The following KATNBL1 variants were observed in gnomAD, a reference collection of about 807,000 sequenced individuals.
KATNBL1 encodes the protein KATNB1-like protein 1.
A neutral mutation model predicts 44.7 loss-of-function variants in KATNBL1; 28 were observed. That is an observed-to-expected ratio of 0.63 (90% confidence interval 0.46 to 0.86). KATNBL1 has a LOEUF of 0.86. KATNBL1 is among the 40% of genes least tolerant of loss of function. KATNBL1 has a pLI of 0.00. For missense variants in KATNBL1, 272 were observed against 350.7 expected, an observed-to-expected ratio of 0.78 and a Z score of 1.79; for synonymous variants, 78 against 114.9, an observed-to-expected ratio of 0.68 and a Z score of 2.06.
chr15:34,157,079 T>C (rs535612633), intron 2 of KATNBL1, among the ~76,000 whole-genome samples: 1 of 152,306 alleles, frequency 6.6e-6, no homozygotes, highest in South Asian at 2.1e-4. Context: ...GATACTTTTC[T>C]GAAGTGGAGA....
intron 1 of KATNBL1, chr15:34,208,402 T>C (rs1683275571): frequency 6.6e-6 from 1 of 152,260 alleles, no homozygotes; most frequent in African/African-American, 2.4e-5. Context: ...CTGCTATAGA[T>C]AAGTATAAAC....
chr15:34,163,839 A>C (rs1888883214), intron 1 of KATNBL1, 149 bp from the exon 2 acceptor site: 2 of 469,958 alleles, frequency 4.3e-6, no homozygotes. Context: ...AACCTTAAAC[A>C]TAGAGGAAGC....
chr15:34,200,370 A>G (rs1056251741), intron 1 of KATNBL1, among the ~76,000 whole-genome samples: 3 of 151,212 alleles, frequency 2.0e-5, no homozygotes, highest in African/African-American at 7.3e-5. Flanking sequence ...CTCGTGCCTC[A>G]GCCTCCTGAG....
At chr15:34,157,655 T>G (rs1888677134) in intron 2 of KATNBL1, among the ~76,000 whole-genome samples, 1 of 152,330 alleles carries the variant, frequency 6.6e-6, no homozygotes, top group South Asian at 2.1e-4. Context: ...AACATCTCTC[T>G]GAGGAGCAGT....
At chr15:34,157,037 A>G (rs1374496964) in intron 2 of KATNBL1, among the ~76,000 whole-genome samples, 1 of 152,188 alleles carries the variant, frequency 6.6e-6, no homozygotes. Flanking sequence ...AGTTAACAGA[A>G]TTCCAGTCTG....
chr15:34,151,806 G>A lies in KATNBL1; in HGVS notation c.438+984C>T, dbSNP rs147640282. Reference sequence around the variant, plus strand: ...GAATATTTCTATCACTCTCAAAAACGCTTTTGAGTCTGTTAACCAGTTTTG... The same window carrying A: ...GAATATTTCTATCACTCTCAAAAACACTTTTGAGTCTGTTAACCAGTTTTG... On this transcript the variant is annotated intron_variant, in intron 4 of 9. Transcript: ENST00000256544. Among the ~76,000 whole-genome samples, 1,378 of 152,200 alleles carry A rather than the reference G, an allele frequency of 9.1e-3. 21 individuals carry two copies. Among genetic ancestry groups the A allele is most frequent in the African/African-American group, 0.032 (1,310 of 41,526 alleles).
chr15:34,145,583 A>ATT, intron 8 of KATNBL1, 92 bp from the exon 9 acceptor site: 2 of 1,126,150 alleles, frequency 1.8e-6, no homozygotes, highest in Non-Finnish European at 2.3e-6. Context: ...CTGTTCTAAA[A>ATT]TTTTTCAGGT....
chr15:34,204,989 GTTTTTTT>G (rs565440431), intron 1 of KATNBL1, among the ~76,000 whole-genome samples: 13 of 136,430 alleles, frequency 9.5e-5, no homozygotes, highest in Admixed American at 3.7e-4. Flanking sequence ...AAGAGGGACA[GTTTTTTT>G]TTTTTTTTTT....
rs1259147211 is a variant in KATNBL1 at position 34,147,268 on chromosome 15, A to T, written c.630T>A (p.Tyr210Ter). 6.2e-7 allele frequency: 1 copy of T among 1,612,912 alleles called. No individual in the cohort carries two copies. Among genetic ancestry groups the T allele is most frequent in the Non-Finnish European group, 8.5e-7 (1 of 1,179,262 alleles). Residue 210 changes from tyrosine (Y) to a stop codon, truncating the protein, a stop_gained, in exon 7 of 10, where the codon TAT (tyrosine) becomes TAA (stop). Coordinates refer to ENST00000256544, the MANE Select transcript of KATNBL1 (RefSeq NM_024713.3). LOFTEE classifies it high-confidence loss of function. ...LTNCLQEEKQ[Y>*]ISLGCCVDLL... ...AGTCAACACAGCAGCCAAGTGAGATATATTGTTTTTCTTCCTGTAAACTAA... is the reference window on the plus strand; with the variant it reads ...AGTCAACACAGCAGCCAAGTGAGATTTATTGTTTTTCTTCCTGTAAACTAA...
intron 3 of KATNBL1, 104 bp downstream of exon 3, chr15:34,154,540 A>C: frequency 2.7e-6 from 2 of 753,080 alleles, no homozygotes; most frequent in Non-Finnish European, 2.3e-6. Flanking sequence ...TTTGACAATA[A>C]GTTAATTATT....
At chr15:34,153,476 A>G (rs1342572552) in intron 3 of KATNBL1, among the ~76,000 whole-genome samples, 1 of 152,232 alleles carries the variant, frequency 6.6e-6, no homozygotes, top group African/African-American at 2.4e-5. Flanking sequence ...TATTTGAGTA[A>G]GAACACGATA....
At chr15:34,204,846 T>C (rs1057450092) in intron 1 of KATNBL1, among the ~76,000 whole-genome samples, 1 of 152,224 alleles carries the variant, frequency 6.6e-6, no homozygotes, top group Non-Finnish European at 1.5e-5. Context: ...CAGAAGTCCC[T>C]GAATGCTAGG....
intron 1 of KATNBL1, among the ~76,000 whole-genome samples, chr15:34,166,389 C>T (rs542432425): frequency 2.9e-3 from 440 of 152,346 alleles, no homozygotes; most frequent in Admixed American, 4.4e-3. Flanking sequence ...GGGGGAGGGG[C>T]GTCCGCCACT....
chr15:34,142,436 T>C, intron 9 of KATNBL1, 65 bp from the exon 10 acceptor site: 1 of 1,494,484 alleles, frequency 6.7e-7, no homozygotes, highest in Non-Finnish European at 9.0e-7. Context: ...AACAATCCAT[T>C]TTTTTTTGTT....
chr15:34,193,740 T>C (rs1889952608), intron 1 of KATNBL1, among the ~76,000 whole-genome samples: 1 of 148,328 alleles, frequency 6.7e-6, no homozygotes, highest in African/African-American at 2.5e-5. Flanking sequence ...TAGTCCCAGC[T>C]ACTCAGGACG....
At chr15:34,146,904 T>C (rs1333766679) in intron 7 of KATNBL1, 54 bp from the exon 8 acceptor site, 28 of 1,112,802 alleles carry the variant, frequency 2.5e-5, no homozygotes, top group Non-Finnish European at 3.7e-5. Flanking sequence ...GAACCCTTCT[T>C]ATAAAAGATG....
chr15:34,178,900 T>C (rs1192480335), intron 1 of KATNBL1, among the ~76,000 whole-genome samples: 1 of 152,090 alleles, frequency 6.6e-6, no homozygotes. Context: ...AGACTCTCAA[T>C]ATGTGCAGTA....
chr15:34,190,761 C>T (rs1301145081), intron 1 of KATNBL1, among the ~76,000 whole-genome samples: 1 of 152,060 alleles, frequency 6.6e-6, no homozygotes, highest in African/African-American at 2.4e-5. Context: ...ATATTAACAA[C>T]ACTACTAATA....
chr15:34,186,978 C>T (rs977306954), intron 1 of KATNBL1, among the ~76,000 whole-genome samples: 2 of 152,228 alleles, frequency 1.3e-5, no homozygotes, highest in African/African-American at 4.8e-5. Context: ...CATGCACTTC[C>T]TCCTCTCTGA....
Sources: allele counts gnomAD v4.1 joint callset (sites outside exome capture counted in the v4.1 genomes callset), GRCh38; gene constraint gnomAD v4.1.1; transcripts MANE v1.5; gene names NCBI Gene and HGNC (gene_info 2026-07-23, HGNC 2026-07-21).